NCOA1: variants seen among roughly 807,000 people sequenced by gnomAD.
The protein encoded by NCOA1 is nuclear receptor coactivator 1.
Under a neutral mutation model 150.9 loss-of-function variants are expected in NCOA1, and 35 were observed. That is an observed-to-expected ratio of 0.23 (90% confidence interval 0.18 to 0.31). The LOEUF is 0.31. Ranked by LOEUF, NCOA1 falls within the 10% of genes least tolerant of loss-of-function variation. The pLI is 1.00. For synonymous variants in NCOA1, 590 were observed against 630.0 expected (o/e 0.94, Z 0.95); for missense variants, 1,491 against 1,749.3 (o/e 0.85, Z 2.63).
chr2:24,517,028 A>ACC (rs1664231122), intron 1 of NCOA1, among the ~76,000 whole-genome samples: 1 of 139,856 alleles, frequency 7.2e-6, no homozygotes, highest in Non-Finnish European at 1.6e-5. Flanking sequence ...ACACACACAC[A>ACC]CCCCATTTTG....
intron 17 of NCOA1, among the ~76,000 whole-genome samples, chr2:24,731,875 C>G (rs1422679497): frequency 6.6e-6 from 1 of 152,150 alleles, no homozygotes; most frequent in African/African-American, 2.4e-5. Flanking sequence ...ATAAAAGAAA[C>G]AGGCAACTGC....
chr2:24,752,483 A>G (rs754275455), intron 20 of NCOA1, among the ~76,000 whole-genome samples: 1 of 152,210 alleles, frequency 6.6e-6, no homozygotes, highest in Non-Finnish European at 1.5e-5. Context: ...TTTAAATCTT[A>G]TAAGTATCAA....
At chr2:24,630,135 G>A (rs1012349953) in intron 3 of NCOA1, among the ~76,000 whole-genome samples, 5 of 152,060 alleles carry the variant, frequency 3.3e-5, no homozygotes, top group Admixed American at 6.6e-5. Flanking sequence ...GCGAGCCACC[G>A]CGCCCGGCCG....
intron 1 of NCOA1, among the ~76,000 whole-genome samples, chr2:24,511,676 T>G (rs1663941375): frequency 6.6e-6 from 1 of 152,212 alleles, no homozygotes; most frequent in African/African-American, 2.4e-5. Flanking sequence ...GTAGTTTGTC[T>G]TTTTACTTTC....
At chr2:24,547,841 T>G (rs897030750) in intron 1 of NCOA1, among the ~76,000 whole-genome samples, 2 of 151,748 alleles carry the variant, frequency 1.3e-5, no homozygotes, top group Non-Finnish European at 2.9e-5. Flanking sequence ...ACAAAAAAAT[T>G]AGCCAAGCCT....
chr2:24,635,814 AAT>A (rs1004508863), intron 3 of NCOA1, among the ~76,000 whole-genome samples: 3 of 152,222 alleles, frequency 2.0e-5, no homozygotes. Flanking sequence ...ACTATAAGCC[AAT>A]ATGAAGAGCT....
chr2:24,726,501 T>C, intron 14 of NCOA1, 88 bp from the exon 15 acceptor site: 5 of 699,430 alleles, frequency 7.1e-6, no homozygotes, highest in Non-Finnish European at 1.2e-5. Flanking sequence ...AAAGGAGAAA[T>C]CTCACTCTCC....
intron 4 of NCOA1, among the ~76,000 whole-genome samples, 193 bp downstream of exon 4, chr2:24,644,315 A>G (rs368951344): frequency 3.9e-5 from 6 of 152,160 alleles, no homozygotes; most frequent in Non-Finnish European, 5.9e-5. Context: ...TTATGAAGCT[A>G]TTTTAGTGTA....
intron 3 of NCOA1, among the ~76,000 whole-genome samples, chr2:24,613,953 G>A (rs796805086): frequency 5.3e-5 from 8 of 152,198 alleles, no homozygotes; most frequent in African/African-American, 1.9e-4. Flanking sequence ...CTTTGCTAAG[G>A]CCAAGAGGTT....
chr2:24,650,143 A>G (rs564994372), intron 4 of NCOA1, among the ~76,000 whole-genome samples: 41 of 152,272 alleles, frequency 2.7e-4, no homozygotes, highest in Non-Finnish European at 5.4e-4. Flanking sequence ...TTATGGTAGA[A>G]GCTTAGGGGA....
intron 1 of NCOA1, among the ~76,000 whole-genome samples, chr2:24,526,899 A>G (rs1664677289): frequency 6.6e-6 from 1 of 152,238 alleles, no homozygotes; most frequent in Admixed American, 6.5e-5. Context: ...GATTAAAAAA[A>G]TACAGTGTAA....
chr2:24,704,987 C>A (rs1673345730), intron 11 of NCOA1, 99 bp from the exon 12 acceptor site: 1 of 1,245,742 alleles, frequency 8.0e-7, no homozygotes, highest in African/African-American at 1.5e-5. Flanking sequence ...GTTGGGAGGG[C>A]CTTTAAAATG....
In NCOA1 at chr2:24,768,391, A is replaced by G; in HGVS notation, c.4326A>G (p.Ter1442=). Residue 1442 remains the stop codon, a stop_retained_variant, in exon 23 of 23, where the codon TAA becomes TAG. Transcript: ENST00000348332. ...KSLLQQLLTE[*] Reference sequence around the variant, plus strand: ...TCCTTCAGCAGCTACTGACTGAATAACCACTTTTAAAGGAATGTGAAATTT... The same window carrying G: ...TCCTTCAGCAGCTACTGACTGAATAGCCACTTTTAAAGGAATGTGAAATTT... 6.2e-7 allele frequency: 1 copy of G among 1,603,282 alleles called. No individual in the cohort carries two copies. Among genetic ancestry groups the G allele is most frequent in the Non-Finnish European group, 8.5e-7 (1 of 1,173,386 alleles).
At chr2:24,716,965 A>T (rs1450788147) in intron 14 of NCOA1, among the ~76,000 whole-genome samples, 1 of 152,238 alleles carries the variant, frequency 6.6e-6, no homozygotes, top group Non-Finnish European at 1.5e-5. Flanking sequence ...AAAATGAAAC[A>T]ATGAGAAAAC....
At chr2:24,533,003 C>A (rs1664964759) in intron 1 of NCOA1, among the ~76,000 whole-genome samples, 1 of 152,144 alleles carries the variant, frequency 6.6e-6, no homozygotes, top group African/African-American at 2.4e-5. Context: ...TCATTGGTAG[C>A]TTGATGGGGA....
At chr2:24,614,995 A>C (rs1234148901) in intron 3 of NCOA1, among the ~76,000 whole-genome samples, 6 of 152,208 alleles carry the variant, frequency 3.9e-5, no homozygotes. Context: ...CAAAGCACAG[A>C]GAAATTGAAT....
intron 1 of NCOA1, among the ~76,000 whole-genome samples, chr2:24,564,050 C>A (rs1666396918): frequency 6.6e-6 from 1 of 152,192 alleles, no homozygotes; most frequent in Admixed American, 6.5e-5. Context: ...CTTTGGGGAT[C>A]TGAGCTTTTA....
intron 3 of NCOA1, among the ~76,000 whole-genome samples, chr2:24,593,379 G>A (rs1484997530): frequency 1.3e-5 from 2 of 152,122 alleles, no homozygotes; most frequent in Admixed American, 6.6e-5. Context: ...TAGTATAGCT[G>A]TGGCATAAAA....
chr2:24,547,526 A>G (rs1406114121), intron 1 of NCOA1, among the ~76,000 whole-genome samples: 1 of 152,224 alleles, frequency 6.6e-6, no homozygotes. Context: ...TATGTAGAGC[A>G]CAGTTTAGCA....
Sources: allele counts gnomAD v4.1 joint callset (sites outside exome capture counted in the v4.1 genomes callset), GRCh38; gene constraint gnomAD v4.1.1; transcripts MANE v1.5; gene names NCBI Gene and HGNC (gene_info 2026-07-23, HGNC 2026-07-21).